SLCO3A1: variants seen among roughly 807,000 people sequenced by gnomAD.
SLCO3A1 encodes PGE1 transporter.
SLCO3A1 carries 27 observed loss-of-function variants against 63.1 expected under a neutral mutation model. That is an observed-to-expected ratio of 0.43 (90% CI 0.32 to 0.59). The LOEUF (loss-of-function observed/expected upper bound fraction) is 0.59. SLCO3A1 is among the 20% of genes least tolerant of loss of function. The pLI is 0.09. For missense variants in SLCO3A1, 773 were observed against 945.8 expected (o/e 0.82, Z 2.40); for synonymous variants, 473 against 409.9 (o/e 1.15, Z -1.86).
At chr15:91,945,912 G>T (rs1380311153) in intron 2 of SLCO3A1, among the ~76,000 whole-genome samples, 2 of 152,190 alleles carry the variant, frequency 1.3e-5, no homozygotes, top group Non-Finnish European at 2.9e-5. Flanking sequence ...GGAGGGAAGA[G>T]AATTTAGACA....
intron 2 of SLCO3A1, among the ~76,000 whole-genome samples, chr15:92,052,220 A>G (rs934622574): frequency 2.0e-5 from 3 of 152,246 alleles, no homozygotes; most frequent in East Asian, 1.9e-4. Flanking sequence ...CTGGGTGTCC[A>G]TGCTCCTGTC....
chr15:91,975,364 A>G (rs1901061532), intron 2 of SLCO3A1, among the ~76,000 whole-genome samples: 2 of 152,204 alleles, frequency 1.3e-5, no homozygotes, highest in East Asian at 1.9e-4. Context: ...CCAGCAACAC[A>G]CATGCAGTGT....
In SLCO3A1 at chr15:91,865,730, A is replaced by G. The variant is rs1340784123; in HGVS notation, c.180+11642A>G. 6.6e-6 allele frequency among the ~76,000 whole-genome samples: 1 copy of G among 152,206 alleles called. No homozygotes were observed. Among genetic ancestry groups the G allele is most frequent in the African/African-American group, 2.4e-5 (1 of 41,456 alleles). On this transcript the variant is annotated intron_variant, in intron 1 of 9. Transcript: ENST00000318445. This position sits in a 1 kb window ranked among gnomAD's most constrained non-coding sequence, Gnocchi z 4.6. The stretch of plus-strand genomic sequence containing the variant: ...CTAAGGACACCGGTCACATTGGATT[A>G]GGGCTCACCCTAATGACCTCATGTG...
intron 4 of SLCO3A1, among the ~76,000 whole-genome samples, chr15:92,118,366 G>A (rs1418914033): frequency 6.6e-6 from 1 of 152,166 alleles, no homozygotes; most frequent in Admixed American, 6.5e-5. Flanking sequence ...ATCTGGCTCA[G>A]TCCATTTGCA....
chr15:91,898,897 C>T (rs967889191), intron 1 of SLCO3A1, among the ~76,000 whole-genome samples: 2 of 152,210 alleles, frequency 1.3e-5, no homozygotes, highest in South Asian at 2.1e-4. Context: ...AAAACTGCTG[C>T]GAATTTTATT....
At chr15:91,917,155 T>A (rs920872824) in intron 2 of SLCO3A1, among the ~76,000 whole-genome samples, 8 of 152,138 alleles carry the variant, frequency 5.3e-5, no homozygotes, top group African/African-American at 1.7e-4. Context: ...CTCTGTTGGA[T>A]GGCAGCGTGC....
chr15:92,054,980 C>A (rs905432255), intron 2 of SLCO3A1, among the ~76,000 whole-genome samples: 1 of 152,096 alleles, frequency 6.6e-6, no homozygotes, highest in African/African-American at 2.4e-5. Flanking sequence ...AATGGAATTG[C>A]TGGGTCAAAT....
intron 2 of SLCO3A1, among the ~76,000 whole-genome samples, chr15:91,966,992 AT>A (rs879943866): frequency 8.2e-4 from 121 of 146,956 alleles, no homozygotes; most frequent in Middle Eastern, 7.1e-3. Flanking sequence ...TTTTTTGGGG[AT>A]TTTTTTTTTT....
Position 92,163,529 on chromosome 15 carries a change from A to G in SLCO3A1, c.*394A>G. 1 of 979,442 alleles carries G rather than the reference A, an allele frequency of 1.0e-6. No individual in the cohort carries two copies. The highest frequency in any genetic ancestry group is 1.2e-6 in the Non-Finnish European group (1 of 829,442). The allele number at this position is 979,442 out of a possible 1,614,324, so 60.7% of individuals were successfully genotyped here. A position where few individuals can be genotyped will look rare whatever the true frequency, so the allele number is the denominator to read the frequency against. On this transcript the variant is annotated 3_prime_UTR_variant, in exon 10 of 10. Coordinates refer to ENST00000318445, the MANE Select transcript of SLCO3A1 (RefSeq NM_013272.4). ...CATACAAAACAGAAAACATTTTTTA[A>G]AAGAAGTTTCCTAAAATAAAAAAAA...
At chr15:91,923,848 T>A (rs575054313) in intron 2 of SLCO3A1, among the ~76,000 whole-genome samples, 1 of 152,342 alleles carries the variant, frequency 6.6e-6, no homozygotes, top group East Asian at 1.9e-4. Flanking sequence ...TCCTGGGTCA[T>A]AAACAATATA....
At chr15:91,982,758 G>A (rs1018843851) in intron 2 of SLCO3A1, among the ~76,000 whole-genome samples, 1 of 152,270 alleles carries the variant, frequency 6.6e-6, no homozygotes, top group Admixed American at 6.5e-5. Flanking sequence ...TGGGAGGACA[G>A]GTGTTGCACA....
chr15:91,989,163 C>G (rs953094224), intron 2 of SLCO3A1, among the ~76,000 whole-genome samples: 1 of 152,218 alleles, frequency 6.6e-6, no homozygotes, highest in African/African-American at 2.4e-5. Context: ...TAAGTGTCCT[C>G]TATTAACCTG....
chr15:92,046,061 T>C (rs998665961), intron 2 of SLCO3A1, among the ~76,000 whole-genome samples: 2 of 152,180 alleles, frequency 1.3e-5, no homozygotes, highest in African/African-American at 4.8e-5. Flanking sequence ...AAGATCCTCC[T>C]AGGTGTCTGA....
chr15:91,861,688 G>A (rs1022870521), intron 1 of SLCO3A1, among the ~76,000 whole-genome samples: 17 of 152,170 alleles, frequency 1.1e-4, no homozygotes, highest in South Asian at 4.1e-4. Flanking sequence ...AGGTTGGAGT[G>A]CAGTGGCAGG....
At chr15:92,018,822 CTAAG>C (rs1567069595) in intron 2 of SLCO3A1, among the ~76,000 whole-genome samples, 4 of 152,270 alleles carry the variant, frequency 2.6e-5, no homozygotes, top group African/African-American at 9.6e-5. Context: ...GTCTGTGAAT[CTAAG>C]AGCCTGGCCA....
intron 7 of SLCO3A1, among the ~76,000 whole-genome samples, chr15:92,139,436 T>C (rs2048100000): frequency 6.6e-6 from 1 of 152,174 alleles, no homozygotes; most frequent in African/African-American, 2.4e-5. Flanking sequence ...TCTAAAATTT[T>C]CTTTTTTGGT....
rs2047849939 is a variant in SLCO3A1 at position 92,120,453 on chromosome 15, G to C, written c.1010-12G>C. 1.2e-6 allele frequency: 2 copies of C among 1,613,012 alleles called. No individual in the cohort carries two copies. The highest frequency in any genetic ancestry group is 1.7e-5 in the Admixed American group (1 of 59,952). On this transcript the variant is annotated splice_polypyrimidine_tract_variant and intron_variant, in intron 4 of 9. Coordinates refer to ENST00000318445, the MANE Select transcript of SLCO3A1 (RefSeq NM_013272.4). ...CCTTGACCCTGACCATCTGCCTTCT[G>C]TCTCCCTGCAGTGATCCCGAAGGTC...
intron 2 of SLCO3A1, among the ~76,000 whole-genome samples, chr15:92,088,967 A>C (rs1471757606): frequency 6.6e-6 from 1 of 151,200 alleles, no homozygotes; most frequent in Non-Finnish European, 1.5e-5. Flanking sequence ...TGGTAGTGGA[A>C]CCCCTGTGAG....
At chr15:92,170,864 A>G (rs573260215), downstream of SLCO3A1, 4 of 152,362 alleles carry the variant, frequency 2.6e-5, no homozygotes, top group Admixed American at 2.0e-4. Flanking sequence ...CATTCTGCTG[A>G]GCAGGGATGA....
Sources: allele counts gnomAD v4.1 joint callset (sites outside exome capture counted in the v4.1 genomes callset), GRCh38; gene constraint gnomAD v4.1.1; non-coding constraint Gnocchi (gnomAD v3.1); transcripts MANE v1.5; gene names NCBI Gene and HGNC (gene_info 2026-07-23, HGNC 2026-07-21).